Variants in ZCWPW1 observed in about 807,000 individuals in gnomAD.
ZCWPW1 encodes zinc finger CW-type and PWWP domain containing 1, also known as zinc finger CW-type PWWP domain protein 1.
A neutral mutation model predicts 81.3 loss-of-function variants in ZCWPW1; 56 were observed. The ratio of observed to expected loss-of-function variants is 0.69; its 90% CI spans 0.56 to 0.86. The LOEUF is 0.86. Among genes scored for constraint, ZCWPW1 ranks in the 40% least tolerant of loss-of-function variants. The pLI, the probability that ZCWPW1 is intolerant of heterozygous loss-of-function variation, is 0.00. For synonymous variants in ZCWPW1, 250 were observed against 273.7 expected (o/e 0.91, Z 0.86); for missense variants, 650 against 769.8 (o/e 0.84, Z 1.84).
At chr7:100,404,352 A>C in intron 13 of ZCWPW1, 108 bp from the exon 14 acceptor site, 1 of 1,005,188 alleles carries the variant, frequency 9.9e-7, no homozygotes, top group South Asian at 1.4e-5. Context: ...CATTTTCCAT[A>C]CCAAAATTAT....
chr7:100,408,018 T>C (rs1032961405), intron 10 of ZCWPW1, among the ~76,000 whole-genome samples: 1 of 152,136 alleles, frequency 6.6e-6, no homozygotes, highest in African/African-American at 2.4e-5. Flanking sequence ...TGGTGCAATC[T>C]TGGTTCACTG....
Position 100,408,598 on chromosome 7 carries a change from C to T in ZCWPW1, c.933G>A (p.Val311=), listed in dbSNP as rs1054690203. The change falls in exon 10 of 18, where the codon GTG becomes GTA. Residue 311 remains valine, a synonymous_variant. Transcript: ENST00000684423. ...EETWTGLESD[V]AYASYIPGSI... ...ATCCTGGGATGTAGGAGGCATAGGCCACATCACTCTCAAGCCCTGTCCAGG... is the reference window on the plus strand; with the variant it reads ...ATCCTGGGATGTAGGAGGCATAGGCTACATCACTCTCAAGCCCTGTCCAGG... The T allele has an allele frequency of 1.2e-6, 2 of 1,613,920 alleles. No homozygotes were observed. The highest frequency in any genetic ancestry group is 1.7e-5 in the Admixed American group (1 of 59,988).
intron 3 of ZCWPW1, 43 bp downstream of exon 3, chr7:100,420,579 T>G: frequency 1.2e-6 from 2 of 1,612,936 alleles, no homozygotes; most frequent in Non-Finnish European, 1.7e-6. Context: ...AGGAGAAAAA[T>G]GAGAGAAATG....
At chr7:100,420,105 G>A (rs1796080904) in intron 3 of ZCWPW1, among the ~76,000 whole-genome samples, 1 of 152,228 alleles carries the variant, frequency 6.6e-6, no homozygotes, top group Non-Finnish European at 1.5e-5. Flanking sequence ...AAGGCTAGTT[G>A]ATTCTGATAT....
intron 5 of ZCWPW1, among the ~76,000 whole-genome samples, chr7:100,418,162 G>C (rs1795691672): frequency 6.6e-6 from 1 of 152,134 alleles, no homozygotes; most frequent in Non-Finnish European, 1.5e-5. Context: ...TGGGATTACA[G>C]GCATGAGCCA....
Position 100,417,191 on chromosome 7 carries a change from A to G in ZCWPW1, c.362-8T>C, listed in dbSNP as rs375895811. The G allele has an allele frequency of 9.9e-6, 16 of 1,611,166 alleles. No individual in the cohort carries two copies. The African/African-American group carries it at 1.3e-4, about 13-fold the overall frequency. On this transcript the variant is annotated splice_polypyrimidine_tract_variant and splice_region_variant and intron_variant, in intron 5 of 17. Coordinates refer to ENST00000684423, the MANE Select transcript of ZCWPW1 (RefSeq NM_001386010.1). ...CAAGGCCAGATCCCATCCCTCCCAA[A>G]ACAAAATACTATAAGCAGAGAAGCA...
intron 13 of ZCWPW1, 32 bp downstream of exon 13, chr7:100,404,981 A>C: frequency 6.3e-7 from 1 of 1,596,054 alleles, no homozygotes; most frequent in Non-Finnish European, 8.6e-7. Flanking sequence ...AGAGTAGGGA[A>C]AGGAATGGGT....
At chr7:100,404,760 T>C (rs1792629657) in intron 13 of ZCWPW1, among the ~76,000 whole-genome samples, 1 of 152,192 alleles carries the variant, frequency 6.6e-6, no homozygotes, top group African/African-American at 2.4e-5. Context: ...TTGTTTCTAA[T>C]TCAACAAATA....
intron 2 of ZCWPW1, among the ~76,000 whole-genome samples, chr7:100,422,117 TGAGATTG>T (rs1481763249): frequency 2.0e-5 from 3 of 152,216 alleles, no homozygotes; most frequent in African/African-American, 7.2e-5. Flanking sequence ...AACAGATCTA[TGAGATTG>T]GTAACATTTT....
rs1797286601 is a variant in ZCWPW1, at chr7:100,426,190, C to T, written c.-136-1054G>A. ...CCAGACTCCCTGAGCCTCAAAAAAG[C>T]GGTATTTAAAGAGTATATTTCAGCC... On this transcript the variant is annotated intron_variant, in intron 1 of 17. Coordinates refer to ENST00000684423, the MANE Select transcript of ZCWPW1 (RefSeq NM_001386010.1). Among the ~76,000 whole-genome samples, 5 of 152,128 alleles carry T rather than the reference C, an allele frequency of 3.3e-5. No homozygotes were observed. The South Asian group carries it at 1.0e-3, about 31-fold the overall frequency.
rs1437502998 is a variant in ZCWPW1, at chr7:100,404,179, T to G, written c.1320A>C (p.Lys440Asn). ...GTCCTCAACCTCCATTTATCCTACC[T>G]TTTCTTTCCCCATTACTGTTAGATC... ...FNGSNSNGER[K>N]DLQLSGLNSP... The change falls in exon 14 of 18, where the codon AAA (lysine) becomes AAC (asparagine). Residue 440 changes from lysine (K) to asparagine (N), a missense_variant and splice_region_variant. Coordinates refer to ENST00000684423, the MANE Select transcript of ZCWPW1 (RefSeq NM_001386010.1). 6.2e-7 allele frequency: 1 copy of G among 1,613,854 alleles called. No homozygotes were observed. Among genetic ancestry groups the G allele is most frequent in the Non-Finnish European group, 8.5e-7 (1 of 1,179,902 alleles).
chr7:100,416,285 G>C lies in ZCWPW1; in HGVS notation c.631+20C>G, dbSNP rs201979423. On this transcript the variant is annotated intron_variant, in intron 7 of 17. Transcript: ENST00000684423. The stretch of plus-strand genomic sequence containing the variant: ...GCTAGTACTTGAGCCAGGCTTCAAA[G>C]TATATCTGACTGTACTTACGAGCTT... 2 of 1,612,078 alleles carry C rather than the reference G, an allele frequency of 1.2e-6. No individual in the cohort carries two copies. Among genetic ancestry groups the C allele is most frequent in the Non-Finnish European group, 1.7e-6 (2 of 1,179,108 alleles).
intron 3 of ZCWPW1, among the ~76,000 whole-genome samples, 166 bp downstream of exon 3, chr7:100,420,456 T>C (rs1253325773): frequency 1.3e-5 from 2 of 152,236 alleles, no homozygotes; most frequent in African/African-American, 4.8e-5. Flanking sequence ...CGAGCAGGAC[T>C]GTTTTTAAGT....
rs538904703 is a variant in ZCWPW1 at position 100,415,586 on chromosome 7, A to G, written c.754+389T>C. Among the ~76,000 whole-genome samples, 7 of 152,290 alleles carry G rather than the reference A, an allele frequency of 4.6e-5. No homozygotes were observed. In the South Asian group the frequency reaches 1.5e-3, roughly 32 times the overall value. On this transcript the variant is annotated intron_variant, in intron 8 of 17. Transcript: ENST00000684423. Reference sequence around the variant, plus strand: ...TTTGATTTCTTTACGATGGCATTCGACATGGCTGAGCATCCCTCTTTCTTT... The same window carrying G: ...TTTGATTTCTTTACGATGGCATTCGGCATGGCTGAGCATCCCTCTTTCTTT...
At chr7:100,423,088 C>A (rs571817113) in intron 2 of ZCWPW1, among the ~76,000 whole-genome samples, 2 of 152,134 alleles carry the variant, frequency 1.3e-5, no homozygotes, top group South Asian at 4.2e-4. Flanking sequence ...CTGGGAAGAC[C>A]TTTAGGGATA....
rs755726932 is a variant in ZCWPW1 at position 100,404,240 on chromosome 7, C to T, written c.1259G>A (p.Arg420Gln). ...GCTCCAGAAACCAAACAAGTTAACCCGTTCCTAAGGGAACCAAGAAACAAA... is the reference window on the plus strand; with the variant it reads ...GCTCCAGAAACCAAACAAGTTAACCTGTTCCTAAGGGAACCAAGAAACAAA... ...QEAEQISIQE[R>Q]VNLFGFWSRF... is the part of the protein sequence containing the mutation. The change falls in exon 14 of 18, where the codon CGG (arginine) becomes CAG (glutamine). Residue 420 changes from arginine (R) to glutamine (Q), a missense_variant. Physicochemically the swap from Arg to Gln is conservative, Grantham distance 43. Transcript: ENST00000684423. The T allele has an allele frequency of 6.8e-6, 11 of 1,614,084 alleles. No homozygotes were observed. The Admixed American group carries it at 8.3e-5, about 12-fold the overall frequency.
In ZCWPW1 at chr7:100,417,132, A is replaced by G. The variant is rs1795417145; in HGVS notation, c.413T>C (p.Val138Ala). 6.2e-7 allele frequency: 1 copy of G among 1,614,074 alleles called. No individual in the cohort carries two copies. Among genetic ancestry groups the G allele is most frequent in the Non-Finnish European group, 8.5e-7 (1 of 1,180,000 alleles). ...FAETSCAQPV[V>A]STQSDKEPGI... ...TGGCTCCTTGTCTGATTGGGTAGATACTACGGGCTGGGCACAAGAAGTCTC... is the reference window on the plus strand; with the variant it reads ...TGGCTCCTTGTCTGATTGGGTAGATGCTACGGGCTGGGCACAAGAAGTCTC... The change falls in exon 6 of 18, where the codon GTA becomes GCA. Residue 138 changes from valine to alanine, a missense_variant. Coordinates refer to ENST00000684423, the MANE Select transcript of ZCWPW1 (RefSeq NM_001386010.1).
At chr7:100,406,906 G>T in intron 11 of ZCWPW1, 108 bp from the exon 12 acceptor site, 2 of 978,542 alleles carry the variant, frequency 2.0e-6, no homozygotes, top group Non-Finnish European at 3.1e-6. Context: ...GAGGTGCTGG[G>T]CCTCACATAC....
At chr7:100,419,601 C>T (rs778406475) in intron 4 of ZCWPW1, 29 bp downstream of exon 4, 19 of 1,580,814 alleles carry the variant, frequency 1.2e-5, no homozygotes, top group Non-Finnish European at 1.6e-5. Context: ...AGAAAATCTC[C>T]TACCAGAGCC....
Sources: allele counts gnomAD v4.1 joint callset (sites outside exome capture counted in the v4.1 genomes callset), GRCh38; gene constraint gnomAD v4.1.1; transcripts MANE v1.5; gene names NCBI Gene and HGNC (gene_info 2026-07-23, HGNC 2026-07-21).